CEBPZ: variants seen among roughly 807,000 people sequenced by gnomAD.
CEBPZ encodes the protein CCAAT/enhancer-binding protein zeta.
In CEBPZ, 78 loss-of-function variants were observed where a neutral mutation model predicts 104.5. The observed-to-expected ratio is 0.75, with a 90% confidence interval of 0.62 to 0.90. The LOEUF is 0.90. Among genes scored for constraint, CEBPZ ranks in the 40% least tolerant of loss-of-function variants. CEBPZ has a pLI of 0.00. For missense variants in CEBPZ, 1,439 were observed against 1,233.5 expected (o/e 1.17, Z -2.50); for synonymous variants, 470 against 427.0 (o/e 1.10, Z -1.24).
chr2:37,209,413 C>A (rs1350555284), intron 13 of CEBPZ: 3 of 152,110 alleles, frequency 2.0e-5, no homozygotes, highest in Non-Finnish European at 4.4e-5. Flanking sequence ...GCTATTGTTA[C>A]CAAAATAGCA....
intron 6 of CEBPZ, 127 bp downstream of exon 6, chr2:37,216,854 GCTT>G: frequency 1.3e-6 from 1 of 753,752 alleles, no homozygotes; most frequent in South Asian, 1.8e-5. Context: ...ACAAGTCACT[GCTT>G]CTTTATACGA....
At chr2:37,203,064 A>T (rs986284255) in intron 13 of CEBPZ, 56 bp from the exon 14 acceptor site, 5 of 1,149,820 alleles carry the variant, frequency 4.3e-6, no homozygotes, top group Admixed American at 2.5e-5. Flanking sequence ...ATTTTAGAAA[A>T]ATGCAATGCA....
intron 13 of CEBPZ, 131 bp from the exon 14 acceptor site, chr2:37,203,139 G>A: frequency 1.8e-6 from 1 of 554,020 alleles, no homozygotes; most frequent in Non-Finnish European, 3.1e-6. Context: ...TGGCACCATT[G>A]GGTAGCTGGC....
At chr2:37,202,187 A>T in intron 15 of CEBPZ, 1 of 217,628 alleles carries the variant, frequency 4.6e-6, no homozygotes. Flanking sequence ...AACAATCAAT[A>T]TGTAAAAACG....
At chr2:37,227,023 C>G (rs1308779579) in intron 2 of CEBPZ, among the ~76,000 whole-genome samples, 1 of 152,140 alleles carries the variant, frequency 6.6e-6, no homozygotes, top group Non-Finnish European at 1.5e-5. Flanking sequence ...GTGAGCGCCT[C>G]CAGGGGTGGG....
At position 37,201,809 on chromosome 2, in the gene CEBPZ, C is replaced by CTT. The variant is rs754746073; in HGVS notation, c.3118_3119dup (p.Lys1041ArgfsTer20). The CTT allele has an allele frequency of 6.3e-7, 1 of 1,584,258 alleles. No homozygotes were observed. The highest frequency in any genetic ancestry group is 1.1e-5 in the South Asian group (1 of 90,434). ...TTTTTTGAGTGGTTTTAATCCTCTTCTTTTTAAAATGTTTCTTTTTCTTGA... is the reference window on the plus strand; with the variant it reads ...TTTTTTGAGTGGTTTTAATCCTCTTCTTTTTTTAAAATGTTTCTTTTTCTTGA... On this transcript the variant is annotated frameshift_variant, in exon 16 of 16. Transcript: ENST00000234170. LOFTEE classifies it high-confidence loss of function.
At chr2:37,216,453 C>A in intron 6 of CEBPZ, 35 bp from the exon 7 acceptor site, 1 of 1,405,412 alleles carries the variant, frequency 7.1e-7, no homozygotes, top group Non-Finnish European at 1.0e-6. Flanking sequence ...AAACTTAATT[C>A]AAATTATGTC....
intron 2 of CEBPZ, 68 bp from the exon 3 acceptor site, chr2:37,223,469 A>G: frequency 7.5e-7 from 1 of 1,332,576 alleles, no homozygotes; most frequent in Non-Finnish European, 1.1e-6. Flanking sequence ...GTCACATATT[A>G]GAAATAGCTA....
At chr2:37,205,252 A>G (rs1413590511) in intron 13 of CEBPZ, among the ~76,000 whole-genome samples, 3 of 152,216 alleles carry the variant, frequency 2.0e-5, no homozygotes, top group Non-Finnish European at 4.4e-5. Context: ...AAGCTAAGCC[A>G]TCATATCCCC....
chr2:37,209,899 G>A (rs1258481633), intron 13 of CEBPZ: 2 of 152,022 alleles, frequency 1.3e-5, no homozygotes, highest in Non-Finnish European at 2.9e-5. Context: ...AAGGACTAAT[G>A]TCCAGAATCT....
intron 5 of CEBPZ, among the ~76,000 whole-genome samples, chr2:37,218,836 C>T (rs1205008972): frequency 6.6e-6 from 1 of 152,176 alleles, no homozygotes. Flanking sequence ...CGCGCCACTG[C>T]ATTCCAGTAT....
At position 37,227,873 on chromosome 2, in the gene CEBPZ, A is replaced by G. The variant is rs769243802; in HGVS notation, c.1320T>C (p.Tyr440=). ...RSNISSKAQY[Y]AICFLNQMAL... ...CCATTTGATTTAAAAAGCAAATTGCATAATATTGAGCTTTGGAGCTGATAT... is the reference window on the plus strand; with the variant it reads ...CCATTTGATTTAAAAAGCAAATTGCGTAATATTGAGCTTTGGAGCTGATAT... The change falls in exon 2 of 16, where the codon TAT becomes TAC. Residue 440 remains tyrosine (Y), a synonymous_variant. Coordinates refer to ENST00000234170, the MANE Select transcript of CEBPZ (RefSeq NM_005760.3). 2.8e-5 allele frequency: 45 copies of G among 1,614,072 alleles called. No individual in the cohort carries two copies. The South Asian group carries it at 4.8e-4, about 17-fold the overall frequency.
In CEBPZ at chr2:37,212,006, A is replaced by T; in HGVS notation, c.2637T>A (p.Asp879Glu). 6.2e-7 allele frequency: 1 copy of T among 1,603,084 alleles called. No homozygotes were observed. ...CTTCTGAATCTTCATCTAATGTGTT[A>T]TCCTTAGCTCCTTTTGTTCTCTTTT... ...NVKKRTKGAK[D>E]NTLDEDSEGS... The change falls in exon 12 of 16, where the codon GAT becomes GAA. Residue 879 changes from aspartate to glutamate, a missense_variant. Transcript: ENST00000234170.
intron 5 of CEBPZ, among the ~76,000 whole-genome samples, chr2:37,217,928 A>C (rs150247012): frequency 0.015 from 2,260 of 150,152 alleles, 58 homozygotes; most frequent in African/African-American, 0.052. Flanking sequence ...AAACAAAAAC[A>C]AAAACCATAA....
In CEBPZ at chr2:37,208,337, A is replaced by G. The variant is rs560718690; in HGVS notation, c.2884+2662T>C. On this transcript the variant is annotated intron_variant, in intron 13 of 15. Coordinates refer to ENST00000234170, the MANE Select transcript of CEBPZ (RefSeq NM_005760.3). Reference sequence around the variant, plus strand: ...CCTAATTCCAAAATCAGGAAATGACATAACAAAAGAAAACTAGAGACCAAT... The same window carrying G: ...CCTAATTCCAAAATCAGGAAATGACGTAACAAAAGAAAACTAGAGACCAAT... 4.6e-5 allele frequency among the ~76,000 whole-genome samples: 7 copies of G among 152,270 alleles called. No individual in the cohort carries two copies. In the South Asian group the frequency reaches 1.2e-3, roughly 27 times the overall value.
In CEBPZ at chr2:37,203,010, T is replaced by TAA; in HGVS notation, c.2885-4_2885-3dup. ...AGTTTCTTTTCTTTTTTCTTGGCCCTAAAAAAAATTGTAAGTCTACATTAT... is the reference window on the plus strand; with the variant it reads ...AGTTTCTTTTCTTTTTTCTTGGCCCTAAAAAAAAAATTGTAAGTCTACATTAT... On this transcript the variant is annotated splice_region_variant and splice_polypyrimidine_tract_variant and intron_variant, in intron 13 of 15. Transcript: ENST00000234170. The TAA allele has an allele frequency of 1.3e-6, 2 of 1,527,732 alleles. No individual in the cohort carries two copies. The highest frequency in any genetic ancestry group is 2.2e-5 in the Admixed American group (1 of 45,868). The allele number at this position is 1,527,732 out of a possible 1,614,324, so 94.6% of individuals were successfully genotyped here. A position where few individuals can be genotyped will look rare whatever the true frequency, so the allele number is the denominator to read the frequency against.
Position 37,228,219 on chromosome 2 carries a change from G to C in CEBPZ, c.974C>G (p.Ser325Ter). ...LEQLSSGNKD[S>*]RDRRLILWYF... Reference sequence around the variant, plus strand: ...CCATAATATCAGTCTTCTATCTCTTGAGTCCTTGTTGCCACTGGACAACTG... The same window carrying C: ...CCATAATATCAGTCTTCTATCTCTTCAGTCCTTGTTGCCACTGGACAACTG... The change falls in exon 2 of 16, where the codon TCA becomes TGA. Residue 325 changes from serine (S) to a stop codon, truncating the protein, a stop_gained. Transcript: ENST00000234170. LOFTEE classifies it high-confidence loss of function. The C allele has an allele frequency of 6.2e-7, 1 of 1,614,180 alleles. No homozygotes were observed. The highest frequency in any genetic ancestry group is 8.5e-7 in the Non-Finnish European group (1 of 1,180,024).
At chr2:37,204,773 T>C (rs1392640400) in intron 13 of CEBPZ, 1 of 152,232 alleles carries the variant, frequency 6.6e-6, no homozygotes, top group Non-Finnish European at 1.5e-5. Context: ...GTCAATTCTG[T>C]TGGGTATTCT....
chr2:37,217,000 GC>G lies in CEBPZ; in HGVS notation c.2191del (p.Ala731GlnfsTer22). 2 of 1,612,444 alleles carry G rather than the reference GC, an allele frequency of 1.2e-6. No homozygotes were observed. Among genetic ancestry groups the G allele is most frequent in the Non-Finnish European group, 1.7e-6 (2 of 1,178,726 alleles). On this transcript the variant is annotated frameshift_variant, in exon 6 of 16. Transcript: ENST00000234170. LOFTEE classifies it high-confidence loss of function. ...VHFHPSVALF[A>X]KTILQGNYIQ... is the part of the protein sequence containing the mutation. ...TAGACTCACCTGAAGGATGGTCTTTGCAAAAAGGGCCACGGAGGGATGAAAA... is the reference window on the plus strand; with the variant it reads ...TAGACTCACCTGAAGGATGGTCTTTGAAAAAGGGCCACGGAGGGATGAAAA...
Sources: allele counts gnomAD v4.1 joint callset (sites outside exome capture counted in the v4.1 genomes callset), GRCh38; gene constraint gnomAD v4.1.1; transcripts MANE v1.5; gene names NCBI Gene and HGNC (gene_info 2026-07-23, HGNC 2026-07-21).